DTNA: variants seen among roughly 807,000 people sequenced by gnomAD.
The protein encoded by DTNA is dystrophin-related protein 3.
DTNA carries 43 observed loss-of-function variants against 100.7 expected under a neutral mutation model. The ratio of observed to expected loss-of-function variants is 0.43; its 90% CI spans 0.33 to 0.55. DTNA has a LOEUF of 0.55. Ranked by LOEUF, DTNA falls within the 20% of genes least tolerant of loss-of-function variation. DTNA has a pLI of 0.04. For synonymous variants in DTNA, 349 were observed against 347.9 expected (o/e 1.00, Z -0.04); for missense variants, 798 against 953.9 (o/e 0.84, Z 2.15).
At chr18:34,762,163 T>C (rs1447580653) in intron 2 of DTNA, among the ~76,000 whole-genome samples, 1 of 152,208 alleles carries the variant, frequency 6.6e-6, no homozygotes, top group East Asian at 1.9e-4. Flanking sequence ...ATTCCATCTT[T>C]TTAATAGATA....
chr18:34,826,142 C>G lies in DTNA; in HGVS notation c.1002-1451C>G, dbSNP rs146619822. ...TAGCTGTTGTTTTGGCTTCATCCAA[C>G]AGATGACATGTCTTACAAAATCTCA... On this transcript the variant is annotated intron_variant, in intron 9 of 22. Coordinates refer to ENST00000444659, the MANE Select transcript of DTNA (RefSeq NM_001386795.1). Among the ~76,000 whole-genome samples, 248 of 152,322 alleles carry G rather than the reference C, an allele frequency of 1.6e-3. 1 individual carries two copies. The highest frequency in any genetic ancestry group is 5.5e-3 in the African/African-American group (227 of 41,578).
intron 1 of DTNA, among the ~76,000 whole-genome samples, chr18:34,638,457 G>C (rs1428434143): frequency 6.6e-6 from 1 of 152,222 alleles, no homozygotes; most frequent in Non-Finnish European, 1.5e-5. Flanking sequence ...AATCTAGGCA[G>C]TCTAACTCCA....
chr18:34,615,701 A>G (rs1156244406), intron 1 of DTNA, among the ~76,000 whole-genome samples: 1 of 152,214 alleles, frequency 6.6e-6, no homozygotes. Flanking sequence ...AGTAATAAGC[A>G]GAGTACTCAG....
At chr18:34,585,096 G>A (rs1160973908) in intron 1 of DTNA, among the ~76,000 whole-genome samples, 1 of 151,968 alleles carries the variant, frequency 6.6e-6, no homozygotes, top group Non-Finnish European at 1.5e-5. Flanking sequence ...TCTTTCTCAG[G>A]AAGCTACTGC....
At chr18:34,520,179 G>A (rs1298674300) in intron 1 of DTNA, among the ~76,000 whole-genome samples, 1 of 152,160 alleles carries the variant, frequency 6.6e-6, no homozygotes, top group Non-Finnish European at 1.5e-5. Context: ...TTTCTGTCCT[G>A]CTCTCTTAAC....
intron 1 of DTNA, among the ~76,000 whole-genome samples, chr18:34,557,228 T>G (rs1415550387): frequency 2.1e-5 from 3 of 144,752 alleles, no homozygotes; most frequent in South Asian, 2.2e-4. Context: ...TCAGCTCCTT[T>G]AAGCACTTCT....
chr18:34,764,440 C>T (rs1320229317), intron 2 of DTNA, among the ~76,000 whole-genome samples: 3 of 152,186 alleles, frequency 2.0e-5, no homozygotes. Context: ...AAATGTTCAT[C>T]TCTTGAGAAC....
chr18:34,577,054 T>G (rs951488031), intron 1 of DTNA, among the ~76,000 whole-genome samples: 3 of 152,140 alleles, frequency 2.0e-5, no homozygotes, highest in African/African-American at 7.2e-5. Context: ...TGTAAGAGTG[T>G]TGAAATAAAG....
intron 6 of DTNA, among the ~76,000 whole-genome samples, chr18:34,812,631 C>T (rs1400914423): frequency 1.3e-5 from 2 of 152,124 alleles, no homozygotes; most frequent in Non-Finnish European, 2.9e-5. Context: ...ATCATGAAAA[C>T]AGCATGGGGG....
intron 1 of DTNA, among the ~76,000 whole-genome samples, chr18:34,665,652 C>A (rs2075817191): frequency 6.6e-6 from 1 of 152,150 alleles, no homozygotes; most frequent in South Asian, 2.1e-4. Context: ...CAATTCCCAC[C>A]TATGAGTGAG....
intron 2 of DTNA, among the ~76,000 whole-genome samples, chr18:34,762,879 C>T (rs1267893996): frequency 6.6e-6 from 1 of 152,154 alleles, no homozygotes; most frequent in Non-Finnish European, 1.5e-5. Flanking sequence ...AGTGATACGA[C>T]AGGAGAGAGC....
chr18:34,691,045 C>A (rs1253914971), intron 1 of DTNA, among the ~76,000 whole-genome samples: 2 of 152,162 alleles, frequency 1.3e-5, no homozygotes, highest in African/African-American at 4.8e-5. Flanking sequence ...GCCTGAGCTC[C>A]TAATTGTGAT....
chr18:34,696,702 A>G (rs2146019918), intron 1 of DTNA, among the ~76,000 whole-genome samples: 1 of 152,352 alleles, frequency 6.6e-6, no homozygotes, highest in Admixed American at 6.5e-5. Flanking sequence ...AATTTGAAGA[A>G]GTACAGCTGT....
At chr18:34,647,794 T>TA (rs2143629843) in intron 1 of DTNA, among the ~76,000 whole-genome samples, 1 of 152,320 alleles carries the variant, frequency 6.6e-6, no homozygotes, top group African/African-American at 2.4e-5. Flanking sequence ...TTTCAGCTAA[T>TA]ATAGGCTCTA....
intron 1 of DTNA, among the ~76,000 whole-genome samples, chr18:34,737,437 G>A (rs993495929): frequency 2.0e-5 from 3 of 152,234 alleles, no homozygotes; most frequent in East Asian, 1.9e-4. Flanking sequence ...AAGCCATAAG[G>A]CTACAAATGA....
chr18:34,888,993 A>G lies in DTNA; in HGVS notation c.*1259A>G, dbSNP rs2096946338. On this transcript the variant is annotated 3_prime_UTR_variant, in exon 23 of 23. Transcript: ENST00000444659. ...TGCACTCAGTGAAAAGCTGAAGTGC[A>G]AAAGAGCTATCAAAGACAAGAGGAT... The G allele has an allele frequency of 1.0e-6, 1 of 985,914 alleles. No individual in the cohort carries two copies. The highest frequency in any genetic ancestry group is 1.2e-6 in the Non-Finnish European group (1 of 829,944). 61.1% of individuals were successfully genotyped at this position (985,914 alleles called of 1,614,324 possible). A position where few individuals can be genotyped will look rare whatever the true frequency, so the allele number is the denominator to read the frequency against.
chr18:34,878,922 G>A (rs934538351), intron 19 of DTNA, among the ~76,000 whole-genome samples: 5 of 152,100 alleles, frequency 3.3e-5, no homozygotes, highest in African/African-American at 7.2e-5. Context: ...CCTGGACTTC[G>A]CTTTCTTAAA....
intron 7 of DTNA, among the ~76,000 whole-genome samples, chr18:34,817,085 C>A (rs1303351799): frequency 6.6e-6 from 1 of 152,184 alleles, no homozygotes; most frequent in Non-Finnish European, 1.5e-5. Context: ...GCTATAATTT[C>A]TTTCGTTCTC....
intron 3 of DTNA, among the ~76,000 whole-genome samples, chr18:34,779,497 A>G (rs1189493792): frequency 6.6e-6 from 1 of 152,112 alleles, no homozygotes; most frequent in South Asian, 2.1e-4. Context: ...CCCAGTTTTT[A>G]TTTCATTTTT....
Sources: gnomAD v4.1 joint callset for allele counts (sites outside exome capture counted in the v4.1 genomes callset) on GRCh38, gnomAD v4.1.1 for gene constraint, MANE v1.5 for transcripts, NCBI Gene and HGNC (gene_info 2026-07-23, HGNC 2026-07-21) for gene names.